The following FAM110D variants were observed in gnomAD, a reference collection of about 807,000 sequenced individuals.
The protein encoded by FAM110D is protein FAM110D.
For missense variants in FAM110D, 376 were observed against 395.6 expected (o/e 0.95, Z 0.42); for synonymous variants, 174 against 189.4 (o/e 0.92, Z 0.67).
Position 26,161,125 on chromosome 1 carries a change from GCTGA to G in FAM110D, c.-80-82_-80-79del, listed in dbSNP as rs2088362358. The G allele has an allele frequency of 4.2e-5, 28 of 664,796 alleles. No individual in the cohort carries two copies. In the South Asian group the frequency reaches 6.1e-4, roughly 14 times the overall value. The allele number at this position is 664,796 out of a possible 1,614,324, so 41.2% of individuals were successfully genotyped here. A position where few individuals can be genotyped will look rare whatever the true frequency, so the allele number is the denominator to read the frequency against. On this transcript the variant is annotated intron_variant, in intron 1 of 1. Coordinates refer to ENST00000374268, the MANE Select transcript of FAM110D (RefSeq NM_024869.3). The surrounding 1 kb of genome is among the most constrained non-coding windows in gnomAD (Gnocchi z 5.4). ...CGGCTAACCTGGATGGGAGAGGGTG[GCTGA>G]CTGATCCTATACTGAGGAATGCCGG... is the stretch of plus-strand genomic sequence containing the variant.
chr1:26,161,228 G>A lies in FAM110D; in HGVS notation c.-64G>A. The stretch of plus-strand genomic sequence containing the variant: ...TCCCTGCAGGTCAGTGAGAGCCCAA[G>A]CCAATTGCTCTAGGCCCCGTGGCTG... On this transcript the variant is annotated 5_prime_UTR_variant, in exon 2 of 2. Transcript: ENST00000374268. This position sits in a 1 kb window ranked among gnomAD's most constrained non-coding sequence, Gnocchi z 5.4. The A allele has an allele frequency of 4.2e-6, 6 of 1,438,246 alleles. No homozygotes were observed. The highest frequency in any genetic ancestry group is 5.5e-6 in the Non-Finnish European group (6 of 1,083,586). The allele number at this position is 1,438,246 out of a possible 1,614,324, so 89.1% of individuals were successfully genotyped here.
In FAM110D at chr1:26,161,880, G is replaced by A. The variant is rs1569852666; in HGVS notation, c.589G>A (p.Ala197Thr). 2 of 1,470,868 alleles carry A rather than the reference G, an allele frequency of 1.4e-6. No individual in the cohort carries two copies. Among genetic ancestry groups the A allele is most frequent in the East Asian group, 2.8e-5 (1 of 36,008 alleles). The allele number at this position is 1,470,868 out of a possible 1,614,324, so 91.1% of individuals were successfully genotyped here. A position where few individuals can be genotyped will look rare whatever the true frequency, so the allele number is the denominator to read the frequency against. ...CTGGGGAGCCGACGCCAGCCCGCAG[G>A]CCGGAACTTCGCCGCCGCCCGGCTC... ...QSWGADASPQ[A>T]GTSPPPGSGD... Residue 197 changes from alanine to threonine, a missense_variant, in exon 2 of 2, where the codon GCC (alanine) becomes ACC (threonine). Physicochemically the swap from Ala to Thr is moderately conservative, Grantham distance 58. Coordinates refer to ENST00000374268, the MANE Select transcript of FAM110D (RefSeq NM_024869.3). This position sits in a 1 kb window ranked among gnomAD's most constrained non-coding sequence, Gnocchi z 5.4.
At position 26,161,372 on chromosome 1, in the gene FAM110D, G is replaced by C; in HGVS notation, c.81G>C (p.Lys27Asn). 1 of 1,598,638 alleles carries C rather than the reference G, an allele frequency of 6.3e-7. No homozygotes were observed. Among genetic ancestry groups the C allele is most frequent in the Admixed American group, 1.7e-5 (1 of 57,876 alleles). ...AGAGGCTGGAAGCCGACAAAGCCAA[G>C]TATGTCAAGACGCACCAGGTGATAG... Reference protein sequence around the residue: ...AVERLEADKAKYVKTHQVIAR... With the variant: ...AVERLEADKANYVKTHQVIAR... The change falls in exon 2 of 2, where the codon AAG (lysine) becomes AAC (asparagine). Residue 27 changes from lysine (K) to asparagine (N), a missense_variant. Lys to Asn is a moderately conservative substitution (Grantham distance 94). Transcript: ENST00000374268. The surrounding 1 kb of genome is among the most constrained non-coding windows in gnomAD (Gnocchi z 5.4).
chr1:26,162,050 C>G lies in FAM110D; in HGVS notation c.759C>G (p.Ile253Met). Residue 253 changes from isoleucine to methionine, a missense_variant, in exon 2 of 2, where the codon ATC becomes ATG. Ile to Met is a conservative substitution (Grantham distance 10, BLOSUM62 1). Coordinates refer to ENST00000374268, the MANE Select transcript of FAM110D (RefSeq NM_024869.3). The surrounding 1 kb of genome is among the most constrained non-coding windows in gnomAD (Gnocchi z 5.3). ...VSVVERNARV[I>M]QWLYGCQRAR... is the part of the protein sequence containing the mutation. ...TGGTGGAGCGCAACGCGCGCGTCAT[C>G]CAGTGGCTGTACGGCTGCCAGCGCG... 1.6e-6 allele frequency: 2 copies of G among 1,266,060 alleles called. No individual in the cohort carries two copies. The highest frequency in any genetic ancestry group is 2.0e-6 in the Non-Finnish European group (2 of 1,008,576). The allele number at this position is 1,266,060 out of a possible 1,614,324, so 78.4% of individuals were successfully genotyped here.
Position 26,162,146 on chromosome 1 carries a change from G to A in FAM110D, c.*39G>A, listed in dbSNP as rs2088377089. 8.3e-7 allele frequency: 1 copy of A among 1,203,736 alleles called. No individual in the cohort carries two copies. Among genetic ancestry groups the A allele is most frequent in the Non-Finnish European group, 1.0e-6 (1 of 953,896 alleles). 74.6% of individuals were successfully genotyped at this position (1,203,736 alleles called of 1,614,324 possible). Reference sequence around the variant, plus strand: ...GGACTGGCCCCGGGACTGGCCCCGGGCACGGAAAAGGACACCCCTCTTCTG... The same window carrying A: ...GGACTGGCCCCGGGACTGGCCCCGGACACGGAAAAGGACACCCCTCTTCTG... On this transcript the variant is annotated 3_prime_UTR_variant, in exon 2 of 2. Transcript: ENST00000374268. This position sits in a 1 kb window ranked among gnomAD's most constrained non-coding sequence, Gnocchi z 5.3.
Position 26,163,787 on chromosome 1 carries a change from A to C in FAM110D, c.*1680A>C. ...GTCACCTTTTGTGGGACCCGCTGGT[A>C]CTCTGGGTTCTCTAGTTAATCTTTG... On this transcript the variant is annotated 3_prime_UTR_variant, in exon 2 of 2. Transcript: ENST00000374268. The C allele has an allele frequency of 1.1e-5, 2 of 174,080 alleles. No homozygotes were observed. Among genetic ancestry groups the C allele is most frequent in the African/African-American group, 2.4e-5 (1 of 42,460 alleles). The allele number at this position is 174,080 out of a possible 1,614,324, so 10.8% of individuals were successfully genotyped here.
chr1:26,161,025 A>G lies in FAM110D; in HGVS notation c.-80-187A>G, dbSNP rs2088361661. On this transcript the variant is annotated intron_variant, in intron 1 of 1. Transcript: ENST00000374268. The surrounding 1 kb of genome is among the most constrained non-coding windows in gnomAD (Gnocchi z 5.4). ...AAGGGGAATATGTTTCTGAGTGGCC[A>G]GAGAGACCCCACTCAATGTCTCTGA... 1.3e-5 allele frequency among the ~76,000 whole-genome samples: 2 copies of G among 152,210 alleles called. No individual in the cohort carries two copies. Among genetic ancestry groups the G allele is most frequent in the African/African-American group, 4.8e-5 (2 of 41,458 alleles).
In FAM110D at chr1:26,162,252, C is replaced by G. The variant is rs879219039; in HGVS notation, c.*145C>G. 1 of 494,646 alleles carries G rather than the reference C, an allele frequency of 2.0e-6. No individual in the cohort carries two copies. Among genetic ancestry groups the G allele is most frequent in the East Asian group, 3.9e-5 (1 of 25,882 alleles). The allele number at this position is 494,646 out of a possible 1,614,324, so 30.6% of individuals were successfully genotyped here. A position where few individuals can be genotyped will look rare whatever the true frequency, so the allele number is the denominator to read the frequency against. Reference sequence around the variant, plus strand: ...AACCTTGGGGAGGTGGAACAAGTTGCTGCCGAAGGCCCTTCCCTGCTCCCG... The same window carrying G: ...AACCTTGGGGAGGTGGAACAAGTTGGTGCCGAAGGCCCTTCCCTGCTCCCG... On this transcript the variant is annotated 3_prime_UTR_variant, in exon 2 of 2. Transcript: ENST00000374268. The surrounding 1 kb of genome is among the most constrained non-coding windows in gnomAD (Gnocchi z 5.3).
chr1:26,161,911 A>T lies in FAM110D; in HGVS notation c.620A>T (p.Asp207Val). The T allele has an allele frequency of 7.0e-7, 1 of 1,419,216 alleles. No homozygotes were observed. The highest frequency in any genetic ancestry group is 1.5e-5 in the South Asian group (1 of 66,848). The allele number at this position is 1,419,216 out of a possible 1,614,324, so 87.9% of individuals were successfully genotyped here. Residue 207 changes from aspartate (D) to valine (V), a missense_variant, in exon 2 of 2, where the codon GAC becomes GTC. By Grantham distance (152) the Asp-to-Val change is radical. Coordinates refer to ENST00000374268, the MANE Select transcript of FAM110D (RefSeq NM_024869.3). The surrounding 1 kb of genome is among the most constrained non-coding windows in gnomAD (Gnocchi z 5.4). ...ACTTCGCCGCCGCCCGGCTCCGGGG[A>T]CGCCAGCGACTGGACATCCAGCGAC... The part of the protein sequence containing the change: ...AGTSPPPGSG[D>V]ASDWTSSDRG...
chr1:26,162,112 C>T lies in FAM110D; in HGVS notation c.*5C>T. Reference sequence around the variant, plus strand: ...CCGCGCGAGTCCGAGGTGTGACCGCCGCGGCTCCGGACTGGCCCCGGGACT... The same window carrying T: ...CCGCGCGAGTCCGAGGTGTGACCGCTGCGGCTCCGGACTGGCCCCGGGACT... On this transcript the variant is annotated 3_prime_UTR_variant, in exon 2 of 2. Coordinates refer to ENST00000374268, the MANE Select transcript of FAM110D (RefSeq NM_024869.3). This position sits in a 1 kb window ranked among gnomAD's most constrained non-coding sequence, Gnocchi z 5.3. The T allele has an allele frequency of 7.9e-7, 1 of 1,260,782 alleles. No individual in the cohort carries two copies. The highest frequency in any genetic ancestry group is 1.0e-6 in the Non-Finnish European group (1 of 1,002,906). 78.1% of individuals were successfully genotyped at this position (1,260,782 alleles called of 1,614,324 possible).
chr1:26,162,059 G>C lies in FAM110D; in HGVS notation c.768G>C (p.Leu256=). Residue 256 remains leucine (L), a synonymous_variant, in exon 2 of 2, where the codon CTG becomes CTC. Transcript: ENST00000374268. This position sits in a 1 kb window ranked among gnomAD's most constrained non-coding sequence, Gnocchi z 5.3. ...GCAACGCGCGCGTCATCCAGTGGCT[G>C]TACGGCTGCCAGCGCGCCCGCGGAC... ...VERNARVIQW[L]YGCQRARGPP... is the part of the protein sequence containing the mutation. 7.9e-7 allele frequency: 1 copy of C among 1,271,134 alleles called. No homozygotes were observed. Among genetic ancestry groups the C allele is most frequent in the South Asian group, 2.9e-5 (1 of 34,442 alleles). 78.7% of individuals were successfully genotyped at this position (1,271,134 alleles called of 1,614,324 possible).
At position 26,162,772 on chromosome 1, in the gene FAM110D, C is replaced by A. The variant is rs1277096039; in HGVS notation, c.*665C>A. ...GGGCTCCACCAGATCCTAAAAGGCC[C>A]CATTCCCGGAGTTTTGCTGCCCCAG... is the stretch of plus-strand genomic sequence containing the variant. On this transcript the variant is annotated 3_prime_UTR_variant, in exon 2 of 2. Coordinates refer to ENST00000374268, the MANE Select transcript of FAM110D (RefSeq NM_024869.3). The surrounding 1 kb of genome is among the most constrained non-coding windows in gnomAD (Gnocchi z 5.3). 6.6e-6 allele frequency: 1 copy of A among 152,122 alleles called. No homozygotes were observed. The highest frequency in any genetic ancestry group is 1.5e-5 in the Non-Finnish European group (1 of 68,034). The allele number at this position is 152,122 out of a possible 1,614,324, so 9.4% of individuals were successfully genotyped here.
In FAM110D at chr1:26,163,917, T is replaced by C; in HGVS notation, c.*1810T>C. 2.7e-6 allele frequency: 1 copy of C among 372,310 alleles called. No homozygotes were observed. Among genetic ancestry groups the C allele is most frequent in the Non-Finnish European group, 4.8e-6 (1 of 209,952 alleles). The allele number at this position is 372,310 out of a possible 1,614,324, so 23.1% of individuals were successfully genotyped here. A position where few individuals can be genotyped will look rare whatever the true frequency, so the allele number is the denominator to read the frequency against. On this transcript the variant is annotated 3_prime_UTR_variant, in exon 2 of 2. Transcript: ENST00000374268. The stretch of plus-strand genomic sequence containing the variant: ...CGATGGACGCAGTCCTCTGGAGCTC[T>C]CCAACTTCCTGGAAAGTTGTACCTT...
Position 26,161,522 on chromosome 1 carries a change from G to A in FAM110D, c.231G>A (p.Arg77=). ...CGGTCCGCCGGGGAAGCGGCAGGCG[G>A]CTGCCGAGGCCTGATTCCCTCATCT... ...PRPVRRGSGR[R]LPRPDSLIFY... is the part of the protein sequence containing the mutation. Residue 77 remains arginine (R), a synonymous_variant, in exon 2 of 2, where the codon CGG becomes CGA. Coordinates refer to ENST00000374268, the MANE Select transcript of FAM110D (RefSeq NM_024869.3). This position sits in a 1 kb window ranked among gnomAD's most constrained non-coding sequence, Gnocchi z 5.4. The A allele has an allele frequency of 6.4e-7, 1 of 1,550,842 alleles. No individual in the cohort carries two copies.
chr1:26,160,975 C>T (rs914525484), intron 1 of FAM110D, among the ~76,000 whole-genome samples: 6 of 152,252 alleles, frequency 3.9e-5, no homozygotes, highest in African/African-American at 1.4e-4. Context: ...TTGCACGACC[C>T]TGTGGCCAGA....
chr1:26,161,924 G>A lies in FAM110D; in HGVS notation c.633G>A (p.Trp211Ter). 1 of 1,405,852 alleles carries A rather than the reference G, an allele frequency of 7.1e-7. No individual in the cohort carries two copies. Among genetic ancestry groups the A allele is most frequent in the Non-Finnish European group, 9.2e-7 (1 of 1,088,298 alleles). The allele number at this position is 1,405,852 out of a possible 1,614,324, so 87.1% of individuals were successfully genotyped here. A position where few individuals can be genotyped will look rare whatever the true frequency, so the allele number is the denominator to read the frequency against. Residue 211 changes from tryptophan (W) to a stop codon, truncating the protein, a stop_gained, in exon 2 of 2, where the codon TGG becomes TGA. Transcript: ENST00000374268. LOFTEE classifies it low-confidence loss of function (END_TRUNC). The surrounding 1 kb of genome is among the most constrained non-coding windows in gnomAD (Gnocchi z 5.4). ...PPPGSGDASDWTSSDRGVDSP... is the reference protein window; with the variant it reads ...PPPGSGDASD The stretch of plus-strand genomic sequence containing the variant: ...CCGGCTCCGGGGACGCCAGCGACTG[G>A]ACATCCAGCGACAGGGGCGTGGACA...
chr1:26,161,315 C>A lies in FAM110D; in HGVS notation c.24C>A (p.Thr8=). 1 of 1,585,904 alleles carries A rather than the reference C, an allele frequency of 6.3e-7. No individual in the cohort carries two copies. Among genetic ancestry groups the A allele is most frequent in the Non-Finnish European group, 8.6e-7 (1 of 1,166,438 alleles). ...AGATGCTCCTGGCCCCTCCCTCCAC[C>A]CCGTCCAGAGGACGGACCCCCAGCG... The part of the protein sequence containing the change: MLLAPPS[T]PSRGRTPSAV... Residue 8 remains threonine (T), a synonymous_variant, in exon 2 of 2, where the codon ACC becomes ACA. Transcript: ENST00000374268. This position sits in a 1 kb window ranked among gnomAD's most constrained non-coding sequence, Gnocchi z 5.4.
chr1:26,163,065 G>A lies in FAM110D; in HGVS notation c.*958G>A, dbSNP rs2088385562. On this transcript the variant is annotated 3_prime_UTR_variant, in exon 2 of 2. Transcript: ENST00000374268. ...GAATCGCTTGAATCCCAGAGGCGGAGGTTGCAGTGAGCCGAGATCGAGCCA... is the reference window on the plus strand; with the variant it reads ...GAATCGCTTGAATCCCAGAGGCGGAAGTTGCAGTGAGCCGAGATCGAGCCA... The A allele has an allele frequency of 1.3e-5, 2 of 152,214 alleles. No individual in the cohort carries two copies. Among genetic ancestry groups the A allele is most frequent in the Admixed American group, 1.3e-4 (2 of 15,274 alleles). 9.4% of individuals were successfully genotyped at this position (152,214 alleles called of 1,614,324 possible).
chr1:26,161,876 G>A lies in FAM110D; in HGVS notation c.585G>A (p.Pro195=), dbSNP rs769090984. Reference sequence around the variant, plus strand: ...AGAGCTGGGGAGCCGACGCCAGCCCGCAGGCCGGAACTTCGCCGCCGCCCG... The same window carrying A: ...AGAGCTGGGGAGCCGACGCCAGCCCACAGGCCGGAACTTCGCCGCCGCCCG... ...SPQSWGADAS[P]QAGTSPPPGS... The change falls in exon 2 of 2, where the codon CCG becomes CCA. Residue 195 remains proline (P), a synonymous_variant. Transcript: ENST00000374268. The surrounding 1 kb of genome is among the most constrained non-coding windows in gnomAD (Gnocchi z 5.4). 1.3e-6 allele frequency: 2 copies of A among 1,482,726 alleles called. No homozygotes were observed. Among genetic ancestry groups the A allele is most frequent in the Non-Finnish European group, 1.8e-6 (2 of 1,121,814 alleles). The allele number at this position is 1,482,726 out of a possible 1,614,324, so 91.8% of individuals were successfully genotyped here.
Sources: gnomAD v4.1 joint callset for allele counts (sites outside exome capture counted in the v4.1 genomes callset) on GRCh38, gnomAD v4.1.1 for gene constraint, Gnocchi (gnomAD v3.1) non-coding constraint, MANE v1.5 for transcripts, NCBI Gene and HGNC (gene_info 2026-07-23, HGNC 2026-07-21) for gene names.